The following RYR3 variants were observed in gnomAD, a reference collection of about 807,000 sequenced individuals.
RYR3 encodes the protein ryanodine receptor 3.
A neutral mutation model predicts 584.3 loss-of-function variants in RYR3; 207 were observed. The observed-to-expected ratio is 0.35, with a 90% confidence interval of 0.32 to 0.40. The LOEUF (loss-of-function observed/expected upper bound fraction) is 0.40. Ranked by LOEUF, RYR3 falls within the 10% of genes least tolerant of loss-of-function variation. RYR3 has a pLI of 1.00. For synonymous variants in RYR3, 2,416 were observed against 2,248.5 expected (o/e 1.07, Z -2.11); for missense variants, 5,616 against 6,089.2 (o/e 0.92, Z 2.59).
chr15:33,797,470 C>T (rs887222946), intron 67 of RYR3, among the ~76,000 whole-genome samples: 3 of 152,084 alleles, frequency 2.0e-5, no homozygotes, highest in Admixed American at 6.5e-5. Context: ...CCCACAAATA[C>T]CTTCCTTGAC....
Position 33,726,496 on chromosome 15 carries a change from C to T in RYR3, c.7023C>T (p.Ser2341=). 6.3e-7 allele frequency: 1 copy of T among 1,596,346 alleles called. No homozygotes were observed. Among genetic ancestry groups the T allele is most frequent in the Non-Finnish European group, 8.5e-7 (1 of 1,171,154 alleles). ...GIISIPLKLP[S]LNKDGSVSEP... ...TCAGCATCCCCTTGAAACTGCCCTC[C>T]CTCAACAAAGGTAAGGGGAGTGACT... is the stretch of plus-strand genomic sequence containing the variant. The change falls in exon 46 of 104, where the codon TCC becomes TCT. Residue 2341 remains serine, a synonymous_variant. Transcript: ENST00000634891.
intron 12 of RYR3, among the ~76,000 whole-genome samples, chr15:33,579,148 A>G (rs2152511704): frequency 6.6e-6 from 1 of 152,274 alleles, no homozygotes; most frequent in East Asian, 1.9e-4. Context: ...GACAGACCTC[A>G]AGGCAGAGAA....
chr15:33,551,015 T>C, intron 10 of RYR3, among the ~76,000 whole-genome samples: 1 of 152,234 alleles, frequency 6.6e-6, no homozygotes, highest in East Asian at 1.9e-4. Context: ...TTGATGTGTA[T>C]GTAGACAACT....
chr15:33,560,343 A>G (rs1595593627), intron 10 of RYR3, among the ~76,000 whole-genome samples: 1 of 152,320 alleles, frequency 6.6e-6, no homozygotes, highest in East Asian at 1.9e-4. Flanking sequence ...ACTGCCGTAG[A>G]ATTTGGAAGC....
chr15:33,859,667 T>C lies in RYR3; in HGVS notation c.14235T>C (p.Tyr4745=). ...EDPAGDPYEM[Y]RIVFDITFFF... is the part of the protein sequence containing the mutation. The stretch of plus-strand genomic sequence containing the variant: ...CTGCTGGTGATCCTTATGAAATGTA[T>C]CGCATTGTCTTTGACATTACCTTTT... Residue 4745 remains tyrosine, a synonymous_variant, in exon 100 of 104, where the codon TAT becomes TAC. Coordinates refer to ENST00000634891, the MANE Select transcript of RYR3 (RefSeq NM_001036.6). 6.2e-7 allele frequency: 1 copy of C among 1,614,010 alleles called. No individual in the cohort carries two copies. Among genetic ancestry groups the C allele is most frequent in the Non-Finnish European group, 8.5e-7 (1 of 1,179,872 alleles).
chr15:33,784,750 A>G (rs1006159291), intron 65 of RYR3, among the ~76,000 whole-genome samples: 8 of 152,170 alleles, frequency 5.3e-5, no homozygotes, highest in Non-Finnish European at 1.2e-4. Flanking sequence ...AGCCCTTGTT[A>G]TCCTCTAACA....
chr15:33,587,763 T>G (rs1441811856), intron 16 of RYR3, among the ~76,000 whole-genome samples: 1 of 152,208 alleles, frequency 6.6e-6, no homozygotes, highest in Non-Finnish European at 1.5e-5. Context: ...ATTCAGATCC[T>G]TCCTTAGGTA....
rs1281908845 is a variant in RYR3 at position 33,740,597 on chromosome 15, T to G, written c.7820+602T>G. ...TAGGCCATGGAGGTGTGCTTATCCC[T>G]TGGGCAAAATATTGCTAAGTTTTGG... On this transcript the variant is annotated intron_variant, in intron 51 of 103. Transcript: ENST00000634891. 5.3e-5 allele frequency among the ~76,000 whole-genome samples: 8 copies of G among 152,348 alleles called. No homozygotes were observed. In the East Asian group the frequency reaches 1.5e-3, roughly 29 times the overall value.
intron 36 of RYR3, 137 bp from the exon 37 acceptor site, chr15:33,669,217 G>A (rs946927446): frequency 3.8e-6 from 2 of 526,320 alleles, no homozygotes; most frequent in African/African-American, 2.1e-5. Context: ...GTAAATATTG[G>A]CCACTTTTAC....
chr15:33,832,624 T>A (rs1287614140), intron 86 of RYR3, among the ~76,000 whole-genome samples: 1 of 142,202 alleles, frequency 7.0e-6, no homozygotes, highest in Non-Finnish European at 1.5e-5. Flanking sequence ...GCCATTGCAC[T>A]ACAGCATGGG....
At chr15:33,718,102 A>T (rs190925702) in intron 43 of RYR3, among the ~76,000 whole-genome samples, 146 of 152,284 alleles carry the variant, frequency 9.6e-4, no homozygotes, top group Admixed American at 4.7e-3. Flanking sequence ...GATTCTCTAA[A>T]TTAATTAAAT....
In RYR3 at chr15:33,635,651, C is replaced by A; in HGVS notation, c.3213C>A (p.Ile1071=). Residue 1071 remains isoleucine, a synonymous_variant, in exon 26 of 104, where the codon ATC becomes ATA. Transcript: ENST00000634891. The part of the protein sequence containing the change: ...SAVEKVSIDK[I]RFFRVERSYA... ...TGGAGAAGGTCAGCATAGACAAGAT[C>A]CGATTTTTCCGGGTAGAGCGATCTT... 1 of 1,613,938 alleles carries A rather than the reference C, an allele frequency of 6.2e-7. No individual in the cohort carries two copies. The highest frequency in any genetic ancestry group is 1.1e-5 in the South Asian group (1 of 91,036).
intron 37 of RYR3, among the ~76,000 whole-genome samples, chr15:33,669,823 C>A: frequency 1.1e-5 from 1 of 92,054 alleles, no homozygotes; most frequent in Non-Finnish European, 1.9e-5. Flanking sequence ...TGCTTTTTAG[C>A]TATTAGGGGT....
At chr15:33,786,111 A>C in intron 66 of RYR3, 129 bp downstream of exon 66, 1 of 725,310 alleles carries the variant, frequency 1.4e-6, no homozygotes, top group South Asian at 2.8e-5. Flanking sequence ...CCCCATGCCC[A>C]CCCCAGTTGC....
At chr15:33,678,147 T>C (rs1415657708) in intron 38 of RYR3, among the ~76,000 whole-genome samples, 1 of 152,000 alleles carries the variant, frequency 6.6e-6, no homozygotes, top group Non-Finnish European at 1.5e-5. Context: ...TAATAAAGAG[T>C]CGGACACAGG....
At chr15:33,580,727 A>G (rs2058546485) in intron 13 of RYR3, among the ~76,000 whole-genome samples, 2 of 152,206 alleles carry the variant, frequency 1.3e-5, no homozygotes, top group Non-Finnish European at 2.9e-5. Flanking sequence ...GTGATGATTT[A>G]GTGCCAACAG....
At chr15:33,625,210 T>C (rs768049215) in intron 20 of RYR3, among the ~76,000 whole-genome samples, 7 of 140,810 alleles carry the variant, frequency 5.0e-5, no homozygotes, top group Non-Finnish European at 9.1e-5. Flanking sequence ...CATCAGATCT[T>C]ATGAGAACTC....
chr15:33,426,486 G>A (rs906879466), intron 1 of RYR3, among the ~76,000 whole-genome samples: 6 of 152,106 alleles, frequency 3.9e-5, no homozygotes, highest in African/African-American at 1.2e-4. Flanking sequence ...TGTTGCTCCT[G>A]GAAGTAGTAC....
chr15:33,418,055 T>A (rs181615838), intron 1 of RYR3, among the ~76,000 whole-genome samples: 88 of 152,342 alleles, frequency 5.8e-4, no homozygotes, highest in Admixed American at 2.7e-3. Context: ...TTCAGTGTGC[T>A]GCTGGATTCA....
Sources: gnomAD v4.1 joint callset for allele counts (sites outside exome capture counted in the v4.1 genomes callset) on GRCh38, gnomAD v4.1.1 for gene constraint, MANE v1.5 for transcripts, NCBI Gene and HGNC (gene_info 2026-07-23, HGNC 2026-07-21) for gene names.